The following ALDH18A1 variants were observed in gnomAD, a reference collection of about 807,000 sequenced individuals.
ALDH18A1 encodes aldehyde dehydrogenase 18 family member A1.
In ALDH18A1, 44 loss-of-function variants were observed where a neutral mutation model predicts 88.8. The ratio of observed to expected loss-of-function variants is 0.50; its 90% CI spans 0.39 to 0.64. The LOEUF is 0.64. ALDH18A1 is among the 30% of genes least tolerant of loss of function. The pLI is 0.00. For missense variants in ALDH18A1, 782 were observed against 1,009.5 expected, an observed-to-expected ratio of 0.77 and a Z score of 3.05; for synonymous variants, 331 against 372.1, an observed-to-expected ratio of 0.89 and a Z score of 1.27.
At chr10:95,642,255 A>ATATG (rs2097893133) in intron 3 of ALDH18A1, among the ~76,000 whole-genome samples, 1 of 152,138 alleles carries the variant, frequency 6.6e-6, no homozygotes, top group East Asian at 1.9e-4. Flanking sequence ...TCATTTATAT[A>ATATG]TTATCTATGG....
chr10:95,632,905 A>G (rs1219092085), intron 7 of ALDH18A1, 54 bp downstream of exon 7: 13 of 1,450,322 alleles, frequency 9.0e-6, no homozygotes, highest in Non-Finnish European at 1.3e-5. Context: ...ATGTGCTCAC[A>G]TATGTAGCAT....
intron 3 of ALDH18A1, among the ~76,000 whole-genome samples, chr10:95,641,473 C>G (rs1418946245): frequency 8.2e-6 from 1 of 122,566 alleles, no homozygotes; most frequent in African/African-American, 3.2e-5. Context: ...TGGGTTTGAT[C>G]ATTGCTGTTG....
At position 95,621,289 on chromosome 10, in the gene ALDH18A1, C is replaced by A. The variant is rs370606517; in HGVS notation, c.1247-38G>T. ...TAAGAGGATATGATAAAGTAGCAGA[C>A]CTGGCAGGCTACAGCTACCAACCGA... On this transcript the variant is annotated intron_variant, in intron 11 of 17. Transcript: ENST00000371224. 9.0e-6 allele frequency: 14 copies of A among 1,554,898 alleles called. No individual in the cohort carries two copies. In the African/African-American group the frequency reaches 1.4e-4, roughly 15 times the overall value.
At chr10:95,624,392 T>C (rs952954904) in intron 11 of ALDH18A1, among the ~76,000 whole-genome samples, 2 of 152,342 alleles carry the variant, frequency 1.3e-5, no homozygotes, top group East Asian at 3.9e-4. Flanking sequence ...CAAAGATTTC[T>C]TCCAGTTCTG....
intron 7 of ALDH18A1, among the ~76,000 whole-genome samples, chr10:95,631,707 C>T (rs953940664): frequency 1.5e-5 from 2 of 129,630 alleles, no homozygotes; most frequent in African/African-American, 5.8e-5. Context: ...TGTGCCACTA[C>T]ACTCCTGCCT....
chr10:95,641,707 T>C (rs929274783), intron 3 of ALDH18A1, among the ~76,000 whole-genome samples: 4 of 152,186 alleles, frequency 2.6e-5, no homozygotes, highest in African/African-American at 9.6e-5. Flanking sequence ...CGCATGATCA[T>C]AGCTCATTGC....
chr10:95,628,250 AGT>A, intron 8 of ALDH18A1, 116 bp downstream of exon 8: 1 of 1,383,562 alleles, frequency 7.2e-7, no homozygotes, highest in Non-Finnish European at 1.0e-6. Context: ...TACATATTTA[AGT>A]GTGTATGTGC....
At chr10:95,649,333 T>C (rs535033889) in intron 2 of ALDH18A1, among the ~76,000 whole-genome samples, 9 of 151,122 alleles carry the variant, frequency 6.0e-5, no homozygotes, top group East Asian at 3.9e-4. Flanking sequence ...CAGAGCAACA[T>C]AGACTCCATT....
chr10:95,612,493 A>G (rs1464733422), intron 15 of ALDH18A1, among the ~76,000 whole-genome samples: 3 of 152,126 alleles, frequency 2.0e-5, no homozygotes, highest in African/African-American at 7.2e-5. Context: ...TATCCTCATG[A>G]TTCCCGAGGC....
At position 95,633,757 on chromosome 10, in the gene ALDH18A1, C is replaced by CCCACACAG; in HGVS notation, c.559-116_559-109dup. Reference sequence around the variant, plus strand: ...GAGTTAAACTTTAGGTTTCTGGGGCCCCACACAGATTAGAAGATTAGAATG... The same window carrying CCCACACAG: ...GAGTTAAACTTTAGGTTTCTGGGGCCCCACACAGCCACACAGATTAGAAGATTAGAATG... On this transcript the variant is annotated intron_variant, in intron 5 of 17. Transcript: ENST00000371224. 2.7e-6 allele frequency: 3 copies of CCCACACAG among 1,122,218 alleles called. No individual in the cohort carries two copies. In the South Asian group the frequency reaches 4.0e-5, roughly 15 times the overall value. 69.5% of individuals were successfully genotyped at this position (1,122,218 alleles called of 1,614,324 possible).
Position 95,606,175 on chromosome 10 carries a change from G to A in ALDH18A1, c.*587C>T. ...ACGGGGAACACAGCATCTCCTGGAT[G>A]CAGGAAGCTGCAAGCATCTGGAATG... is the stretch of plus-strand genomic sequence containing the variant. On this transcript the variant is annotated 3_prime_UTR_variant, in exon 18 of 18. Coordinates refer to ENST00000371224, the MANE Select transcript of ALDH18A1 (RefSeq NM_002860.4). 1.1e-6 allele frequency: 1 copy of A among 881,920 alleles called. No individual in the cohort carries two copies. Among genetic ancestry groups the A allele is most frequent in the East Asian group, 1.2e-4 (1 of 8,456 alleles). 54.6% of individuals were successfully genotyped at this position (881,920 alleles called of 1,614,324 possible). A position where few individuals can be genotyped will look rare whatever the true frequency, so the allele number is the denominator to read the frequency against.
At chr10:95,653,186 T>G in intron 2 of ALDH18A1, 104 bp downstream of exon 2, 1 of 1,144,812 alleles carries the variant, frequency 8.7e-7, no homozygotes, top group Non-Finnish European at 1.3e-6. Context: ...AGACCCTGTC[T>G]CCAAACAAAC....
intron 2 of ALDH18A1, among the ~76,000 whole-genome samples, chr10:95,651,298 A>G (rs375906431): frequency 1.1e-4 from 17 of 152,322 alleles, no homozygotes; most frequent in African/African-American, 4.1e-4. Flanking sequence ...TGGCTAAAAT[A>G]AAAAAGAGTG....
At chr10:95,620,942 A>G in intron 12 of ALDH18A1, 89 bp downstream of exon 12, 1 of 1,347,400 alleles carries the variant, frequency 7.4e-7, no homozygotes. Context: ...ATTAAAAAAA[A>G]AAAAAAAGAA....
intron 4 of ALDH18A1, 23 bp from the exon 5 acceptor site, chr10:95,637,220 G>A (rs760266321): frequency 6.2e-7 from 1 of 1,614,096 alleles, no homozygotes; most frequent in African/African-American, 1.3e-5. Context: ...AATGAGACAA[G>A]GTGTGGTAGG....
chr10:95,611,201 G>A, intron 16 of ALDH18A1, 55 bp downstream of exon 16: 1 of 1,605,134 alleles, frequency 6.2e-7, no homozygotes, highest in South Asian at 1.1e-5. Flanking sequence ...AAGAGGAGCA[G>A]GATCAGAAAG....
chr10:95,612,189 G>GT (rs2097836282), intron 15 of ALDH18A1, among the ~76,000 whole-genome samples: 1 of 152,182 alleles, frequency 6.6e-6, no homozygotes, highest in Non-Finnish European at 1.5e-5. Flanking sequence ...TGCTTTAGAG[G>GT]TAAGCAGTAC....
chr10:95,625,321 C>T (rs1284906845), intron 11 of ALDH18A1, 41 bp downstream of exon 11: 2 of 1,539,390 alleles, frequency 1.3e-6, no homozygotes, highest in Non-Finnish European at 9.0e-7. Context: ...AAATAATGCA[C>T]ACCCCTCCAC....
chr10:95,639,713 T>C (rs2097887767), intron 3 of ALDH18A1, among the ~76,000 whole-genome samples: 1 of 152,136 alleles, frequency 6.6e-6, no homozygotes, highest in African/African-American at 2.4e-5. Context: ...AGATGCAAAT[T>C]AAACCCTGCA....
Sources: gnomAD v4.1 joint callset for allele counts (sites outside exome capture counted in the v4.1 genomes callset) on GRCh38, gnomAD v4.1.1 for gene constraint, MANE v1.5 for transcripts, NCBI Gene and HGNC (gene_info 2026-07-23, HGNC 2026-07-21) for gene names.